KLRG1: variants seen among roughly 807,000 people sequenced by gnomAD.
KLRG1 encodes the protein killer cell lectin-like receptor subfamily G member 1.
Under a neutral mutation model 21.8 loss-of-function variants are expected in KLRG1, and 16 were observed. The ratio of observed to expected loss-of-function variants is 0.73; its 90% confidence interval spans 0.50 to 1.11. The LOEUF (loss-of-function observed/expected upper bound fraction) is 1.11. Ranked by LOEUF, KLRG1 falls within the 50% of genes most tolerant of loss-of-function variation. KLRG1 has a pLI of 0.00. For missense variants in KLRG1, 173 were observed against 218.3 expected (o/e 0.79, Z 1.31); for synonymous variants, 69 against 75.9 (o/e 0.91, Z 0.47).
At chr12:9,073,547 T>G in the KLRG1 span, among the ~76,000 whole-genome samples, 1 of 152,200 alleles carries the variant, frequency 6.6e-6, no homozygotes, top group Non-Finnish European at 1.5e-5. Flanking sequence ...TTTAACAAAA[T>G]TACTTAGTTT....
chr12:9,161,391 T>C, the KLRG1 span, among the ~76,000 whole-genome samples: 3 of 152,248 alleles, frequency 2.0e-5, no homozygotes, highest in African/African-American at 7.2e-5. Context: ...TTATATCTCC[T>C]TGTGGAACTC....
chr12:9,005,729 G>A lies in KLRG1; in HGVS notation c.358-3246G>A, dbSNP rs184994095. Among the ~76,000 whole-genome samples, 8 of 152,280 alleles carry A rather than the reference G, an allele frequency of 5.3e-5. No individual in the cohort carries two copies. In the East Asian group the frequency reaches 5.8e-4, roughly 11 times the overall value. ...GTGGAAGACAATTTTTCCATGGACC[G>A]TTGCTGGGGGCTGGTTTCAGGATGA... On this transcript the variant is annotated intron_variant, in intron 3 of 4. Coordinates refer to ENST00000356986, the MANE Select transcript of KLRG1 (RefSeq NM_005810.4).
At chr12:9,079,972 C>A in the KLRG1 span, 2 of 949,658 alleles carry the variant, frequency 2.1e-6, no homozygotes, top group Non-Finnish European at 1.5e-6. Context: ...TAAACAAGCC[C>A]AAAGAAGAAG....
chr12:9,191,329 A>C, the KLRG1 span, among the ~76,000 whole-genome samples: 3 of 152,152 alleles, frequency 2.0e-5, no homozygotes, highest in Non-Finnish European at 4.4e-5. Flanking sequence ...CATTCTCCAT[A>C]TCTAACTACC....
At chr12:9,135,295 A>G in the KLRG1 span, 3 of 277,140 alleles carry the variant, frequency 1.1e-5, no homozygotes, top group South Asian at 1.5e-4. Flanking sequence ...CATGAAATGG[A>G]TCCCCTGGAC....
chr12:9,008,883 A>G, intron 3 of KLRG1, 92 bp from the exon 4 acceptor site: 1 of 795,640 alleles, frequency 1.3e-6, no homozygotes, highest in Non-Finnish European at 2.1e-6. Context: ...TTAATTAATT[A>G]CTTAACTTAG....
In KLRG1 at chr12:9,005,488, G is replaced by C. The variant is rs1364377587; in HGVS notation, c.358-3487G>C. On this transcript the variant is annotated intron_variant, in intron 3 of 4. Transcript: ENST00000356986. Reference sequence around the variant, plus strand: ...CACTGTGTTAAGTGAAATAAACCAGGAACAGAAAGTTAAACACTGCATGTT... The same window carrying C: ...CACTGTGTTAAGTGAAATAAACCAGCAACAGAAAGTTAAACACTGCATGTT... Among the ~76,000 whole-genome samples the C allele has an allele frequency of 5.3e-5, 8 of 152,160 alleles. No individual in the cohort carries two copies. The East Asian group carries it at 1.5e-3, about 29-fold the overall frequency.
the KLRG1 span, chr12:9,109,446 A>T: frequency 2.0e-6 from 3 of 1,489,894 alleles, no homozygotes; most frequent in Non-Finnish European, 1.9e-6. Context: ...TTGGTTTTCA[A>T]CTTTGGGGGA....
chr12:9,037,611 A>C, the KLRG1 span, among the ~76,000 whole-genome samples: 4 of 152,316 alleles, frequency 2.6e-5, no homozygotes, highest in African/African-American at 9.6e-5. Context: ...AGGCTTTCAC[A>C]TTCACTCACC....
the KLRG1 span, chr12:9,107,770 C>T: frequency 1.9e-6 from 2 of 1,069,524 alleles, no homozygotes; most frequent in East Asian, 4.9e-5. Flanking sequence ...CTCTGCTGGG[C>T]TCACACAATA....
the KLRG1 span, among the ~76,000 whole-genome samples, chr12:9,158,811 C>A: frequency 7.0e-6 from 1 of 143,304 alleles, no homozygotes; most frequent in South Asian, 2.2e-4. Flanking sequence ...CCAGCTTGTC[C>A]TTGCTTCCTA....
At chr12:9,150,562 T>G in the KLRG1 span, 1 of 904,204 alleles carries the variant, frequency 1.1e-6, no homozygotes, top group Non-Finnish European at 1.8e-6. Context: ...GTTGACTAAG[T>G]GGGCTAAGAA....
chr12:9,102,864 T>C, the KLRG1 span, among the ~76,000 whole-genome samples: 2,024 of 152,344 alleles, frequency 0.013, 42 homozygotes, highest in African/African-American at 0.046. Context: ...GGTGCTTTTA[T>C]GCCATCTATT....
the KLRG1 span, chr12:9,203,727 T>C: frequency 4.4e-6 from 7 of 1,606,476 alleles, no homozygotes; most frequent in South Asian, 5.5e-5. Flanking sequence ...CTCAATAAAA[T>C]GTATCAAGCA....
chr12:8,962,576 C>T (rs1406851216), intron 1 of KLRG1, among the ~76,000 whole-genome samples: 4 of 151,738 alleles, frequency 2.6e-5, no homozygotes, highest in Non-Finnish European at 5.9e-5. Context: ...ATTAGCTGGG[C>T]TTGGTGGTGA....
chr12:9,093,709 G>C, the KLRG1 span: 1 of 522,430 alleles, frequency 1.9e-6, no homozygotes, highest in Non-Finnish European at 3.2e-6. Context: ...AAGGAGGAGA[G>C]GGCGCTTGGG....
the KLRG1 span, chr12:9,166,131 C>A: frequency 4.3e-6 from 7 of 1,613,884 alleles, no homozygotes; most frequent in Non-Finnish European, 5.1e-6. Context: ...GAACTTTGTT[C>A]ATTATTTAAG....
intron 1 of KLRG1, among the ~76,000 whole-genome samples, chr12:8,984,391 A>T (rs767719813): frequency 6.6e-6 from 1 of 152,062 alleles, no homozygotes; most frequent in East Asian, 1.9e-4. Flanking sequence ...TTTAGTAGAG[A>T]CAGGGTTTCA....
chr12:9,083,122 C>A, the KLRG1 span, among the ~76,000 whole-genome samples: 44 of 152,260 alleles, frequency 2.9e-4, no homozygotes, highest in African/African-American at 9.9e-4. Flanking sequence ...CCATCATTCT[C>A]AGCAAACTAT....
Sources: gnomAD v4.1 joint callset for allele counts (sites outside exome capture counted in the v4.1 genomes callset) on GRCh38, gnomAD v4.1.1 for gene constraint, MANE v1.5 for transcripts, NCBI Gene and HGNC (gene_info 2026-07-23, HGNC 2026-07-21) for gene names.